Variants in PGK1 observed in about 807,000 individuals in gnomAD.
PGK1 encodes the protein PRP 2.
A neutral mutation model predicts 26.9 loss-of-function variants in PGK1; 3 were observed. The ratio of observed to expected loss-of-function variants is 0.11; its 90% CI spans 0.05 to 0.29. The LOEUF is 0.29. PGK1 is among the 10% of genes least tolerant of loss of function. The pLI is 1.00. For missense variants in PGK1, 270 were observed against 314.7 expected (o/e 0.86, Z 1.07); for synonymous variants, 125 against 115.3 (o/e 1.08, Z -0.54).
In PGK1 at chrX:78,111,270, T is replaced by G. The variant is rs888535181; in HGVS notation, c.116+1353T>G. On this transcript the variant is annotated intron_variant, in intron 2 of 10. Coordinates refer to ENST00000373316, the MANE Select transcript of PGK1 (RefSeq NM_000291.4). ...TGGCTACTTTTTCATATTTTTTTTG[T>G]AGAGACAGCGTTTTGCCCTTTTGCC... is the stretch of plus-strand genomic sequence containing the variant. Among the ~76,000 whole-genome samples the G allele has an allele frequency of 6.3e-5, 7 of 110,892 alleles. No individual in the cohort carries two copies. The Admixed American group carries it at 6.7e-4, about 11-fold the overall frequency.
At chrX:78,106,329 C>T (rs2078272456) in intron 1 of PGK1, 4 of 622,342 alleles carry the variant, frequency 6.4e-6, no homozygotes, top group Non-Finnish European at 7.7e-6. Context: ...GAGACAATGA[C>T]CAAGGATACG....
At chrX:78,107,009 T>TG (rs1557246270) in intron 1 of PGK1, among the ~76,000 whole-genome samples, 1 of 111,480 alleles carries the variant, frequency 9.0e-6, no homozygotes, top group Non-Finnish European at 1.9e-5. Flanking sequence ...GTTTTCCATC[T>TG]GGGGCAGTGA....
intron 4 of PGK1, 35 bp downstream of exon 4, chrX:78,114,195 G>C (rs1557247232): frequency 6.0e-6 from 7 of 1,171,079 alleles, no homozygotes; most frequent in Non-Finnish European, 8.1e-6. Flanking sequence ...TTGGGGGTGA[G>C]GGCCTGAGTC....
chrX:78,121,449 C>G (rs782473936), intron 6 of PGK1, among the ~76,000 whole-genome samples: 1 of 111,559 alleles, frequency 9.0e-6, no homozygotes, highest in East Asian at 2.8e-4. Context: ...TATCTTTACC[C>G]TTGGTGGTAA....
rs1557248921 is a variant in PGK1, at chrX:78,128,304, G to C, written c.*2474G>C. 8.8e-6 allele frequency: 1 copy of C among 113,334 alleles called. No individual in the cohort carries two copies. Among genetic ancestry groups the C allele is most frequent in the African/African-American group, 3.2e-5 (1 of 31,225 alleles). 9.3% of individuals were successfully genotyped at this position (113,334 alleles called of 1,213,427 possible). A position where few individuals can be genotyped will look rare whatever the true frequency, so the allele number is the denominator to read the frequency against. The stretch of plus-strand genomic sequence containing the variant: ...CTTACGCCTGTAATCCCAGGACTTT[G>C]GGAGGCCAAGGCGGGCAGATCACCT... On this transcript the variant is annotated 3_prime_UTR_variant, in exon 11 of 11. Coordinates refer to ENST00000373316, the MANE Select transcript of PGK1 (RefSeq NM_000291.4).
intron 8 of PGK1, 88 bp from the exon 9 acceptor site, chrX:78,124,786 G>A: frequency 3.9e-6 from 3 of 770,999 alleles, no homozygotes; most frequent in Non-Finnish European, 6.0e-6. Flanking sequence ...AAACTTTGGT[G>A]TGCAGCCCTG....
intron 1 of PGK1, among the ~76,000 whole-genome samples, chrX:78,109,359 G>C (rs1440525133): frequency 9.1e-6 from 1 of 110,307 alleles, no homozygotes; most frequent in Non-Finnish European, 1.9e-5. Context: ...AGTTTCACGA[G>C]GACCCAGAAA....
intron 1 of PGK1, chrX:78,106,475 G>A (rs186108077): frequency 4.2e-4 from 318 of 751,878 alleles, no homozygotes; most frequent in Non-Finnish European, 4.8e-4. Flanking sequence ...TTTTTTGGAG[G>A]TGCTTAGGCA....
At chrX:78,110,013 C>A in intron 2 of PGK1, 96 bp downstream of exon 2, 1 of 593,158 alleles carries the variant, frequency 1.7e-6, no homozygotes, top group Non-Finnish European at 3.0e-6. Flanking sequence ...GGAACTGTAG[C>A]AACTTAAAAC....
intron 2 of PGK1, among the ~76,000 whole-genome samples, chrX:78,110,140 T>C (rs1458419213): frequency 9.0e-6 from 1 of 111,158 alleles, no homozygotes; most frequent in Non-Finnish European, 1.9e-5. Context: ...TTTTGAAAAT[T>C]AGAAGAATTT....
At chrX:78,125,687 T>TA (rs782396430) in intron 10 of PGK1, 103 bp from the exon 11 acceptor site, 11 of 772,408 alleles carry the variant, frequency 1.4e-5, no homozygotes, top group South Asian at 2.1e-5. Flanking sequence ...CCATATATCC[T>TA]AAAAAAGAGC....
chrX:78,125,660 A>C (rs2078379847), intron 10 of PGK1, 130 bp from the exon 11 acceptor site: 6 of 646,233 alleles, frequency 9.3e-6, no homozygotes. Context: ...ACAATGTAAA[A>C]GTTGGCCAGC....
At chrX:78,123,476 A>G (rs1203574766) in intron 8 of PGK1, 102 bp downstream of exon 8, 2 of 651,036 alleles carry the variant, frequency 3.1e-6, no homozygotes, top group African/African-American at 2.2e-5. Context: ...AACAATCTCT[A>G]TAGGAGATCT....
chrX:78,104,401 A>G lies in PGK1; in HGVS notation c.61A>G (p.Met21Val). 1 of 1,193,226 alleles carries G rather than the reference A, an allele frequency of 8.4e-7. No individual in the cohort carries two copies. Among genetic ancestry groups the G allele is most frequent in the Non-Finnish European group, 1.1e-6 (1 of 878,487 alleles). Residue 21 changes from methionine (M) to valine (V), a missense_variant, in exon 1 of 11, where the codon ATG becomes GTG. Physicochemically the swap from Met to Val is conservative, Grantham distance 21 (BLOSUM62 1). Coordinates refer to ENST00000373316, the MANE Select transcript of PGK1 (RefSeq NM_000291.4). ...KLDVKGKRVV[M>V]RVDFNVPMKN... ...GGACGTTAAAGGGAAGCGGGTCGTTATGAGGTAATTCTGCACGTTTGCCCG... is the reference window on the plus strand; with the variant it reads ...GGACGTTAAAGGGAAGCGGGTCGTTGTGAGGTAATTCTGCACGTTTGCCCG...
Position 78,106,372 on chromosome X carries a change from C to A in PGK1, c.65+1967C>A, listed in dbSNP as rs186138631. 7.6e-5 allele frequency: 56 copies of A among 736,278 alleles called. No individual in the cohort carries two copies. In the East Asian group the frequency reaches 4.9e-3, roughly 64 times the overall value. The allele number at this position is 736,278 out of a possible 1,213,427, so 60.7% of individuals were successfully genotyped here. ...AGAACTTTCTCCCGTAACCTGGATA[C>A]CTTCTACTTATTTAGGCTGAGGACA... is the stretch of plus-strand genomic sequence containing the variant. On this transcript the variant is annotated intron_variant, in intron 1 of 10. Coordinates refer to ENST00000373316, the MANE Select transcript of PGK1 (RefSeq NM_000291.4).
At chrX:78,114,973 AG>A (rs1557247320) in intron 4 of PGK1, among the ~76,000 whole-genome samples, 1 of 112,075 alleles carries the variant, frequency 8.9e-6, no homozygotes, top group Non-Finnish European at 1.9e-5. Context: ...TCGGAGAACA[AG>A]ATGCTCTGAG....
In PGK1 at chrX:78,124,988, G is replaced by A; in HGVS notation, c.1051G>A (p.Gly351Arg). The A allele has an allele frequency of 8.3e-7, 1 of 1,210,132 alleles. No individual in the cohort carries two copies. Among genetic ancestry groups the A allele is most frequent in the Non-Finnish European group, 1.1e-6 (1 of 894,236 alleles). Residue 351 changes from glycine (G) to arginine (R), a missense_variant, in exon 9 of 11, where the codon GGA becomes AGA. Physicochemically the swap from Gly to Arg is moderately radical, Grantham distance 125. Transcript: ENST00000373316. ...ATTTGAATGGGAAGCTTTTGCCCGG[G>A]GAACCAAAGCTCTCATGGATGAGGT... ...GVFEWEAFAR[G>R]TKALMDEVVK...
intron 1 of PGK1, among the ~76,000 whole-genome samples, chrX:78,108,428 A>G (rs185739135): frequency 2.6e-3 from 293 of 112,590 alleles, no homozygotes; most frequent in African/African-American, 9.1e-3. Context: ...CAGAGAATCA[A>G]GTGGCCTGAA....
chrX:78,104,503 C>A (rs1451115210), intron 1 of PGK1, 98 bp downstream of exon 1: 4 of 702,381 alleles, frequency 5.7e-6, no homozygotes, highest in Non-Finnish European at 9.0e-6. Flanking sequence ...GTTCTTTTAG[C>A]TTTTGGCTGG....
Sources: gnomAD v4.1 joint callset for allele counts (sites outside exome capture counted in the v4.1 genomes callset) on GRCh38, gnomAD v4.1.1 for gene constraint, MANE v1.5 for transcripts, NCBI Gene and HGNC (gene_info 2026-07-23, HGNC 2026-07-21) for gene names.